Variants in WDHD1 observed in about 807,000 individuals in gnomAD.
The protein encoded by WDHD1 is WD repeat and HMG-box DNA-binding protein 1.
In WDHD1, 111 loss-of-function variants were observed where a neutral mutation model predicts 135.4. The ratio of observed to expected loss-of-function variants is 0.82; its 90% CI spans 0.70 to 0.96. The LOEUF (loss-of-function observed/expected upper bound fraction) is 0.96. WDHD1 is among the 40% of genes least tolerant of loss of function. WDHD1 has a pLI of 0.00. For synonymous variants in WDHD1, 434 were observed against 439.0 expected (o/e 0.99, Z 0.14); for missense variants, 1,351 against 1,336.3 (o/e 1.01, Z -0.17).
intron 15 of WDHD1, among the ~76,000 whole-genome samples, 163 bp downstream of exon 15, chr14:54,984,560 C>G (rs1204204571): frequency 1.3e-5 from 2 of 152,114 alleles, no homozygotes; most frequent in African/African-American, 4.8e-5. Flanking sequence ...CTAAAGATTG[C>G]AGCTCCCAGT....
At chr14:54,970,305 G>C (rs1017187420) in intron 16 of WDHD1, among the ~76,000 whole-genome samples, 3 of 151,914 alleles carry the variant, frequency 2.0e-5, no homozygotes, top group Non-Finnish European at 4.4e-5. Context: ...AAAAGACTTT[G>C]GTAAAGTTTC....
At chr14:54,995,241 A>G (rs904312340) in intron 11 of WDHD1, among the ~76,000 whole-genome samples, 5 of 152,164 alleles carry the variant, frequency 3.3e-5, no homozygotes, top group Admixed American at 6.5e-5. Flanking sequence ...TCAGCCTCCC[A>G]AAGTGCTGGG....
rs1201910146 is a variant in WDHD1 at position 54,972,277 on chromosome 14, C to CAA, written c.2064-4885_2064-4884dup. On this transcript the variant is annotated intron_variant, in intron 16 of 25. Coordinates refer to ENST00000360586, the MANE Select transcript of WDHD1 (RefSeq NM_007086.4). ...GAGACAGAGTGAGACTCGGTCTCAC[C>CAA]AAAAAAAAAAAAAAAAGTTGGCCAG... Among the ~76,000 whole-genome samples the CAA allele has an allele frequency of 3.5e-3, 400 of 113,172 alleles. 1 individual carries two copies. Among genetic ancestry groups the CAA allele is most frequent in the African/African-American group, 0.011 (380 of 35,228 alleles). The allele number at this position is 113,172 out of a possible 152,430, so 74.2% of individuals were successfully genotyped here.
At chr14:55,003,761 A>G (rs1261102398) in intron 7 of WDHD1, among the ~76,000 whole-genome samples, 2 of 151,682 alleles carry the variant, frequency 1.3e-5, no homozygotes, top group Non-Finnish European at 1.5e-5. Flanking sequence ...ACGGGGTCTT[A>G]TCATGTTGGC....
intron 16 of WDHD1, among the ~76,000 whole-genome samples, chr14:54,976,948 T>C (rs1356701900): frequency 6.6e-6 from 1 of 152,192 alleles, no homozygotes; most frequent in Non-Finnish European, 1.5e-5. Context: ...GTGCTTCAAA[T>C]GCCTACTGTA....
intron 2 of WDHD1, among the ~76,000 whole-genome samples, chr14:55,015,162 T>C (rs2042238556): frequency 6.6e-6 from 1 of 151,970 alleles, no homozygotes; most frequent in African/African-American, 2.4e-5. Context: ...ATATTAGTAT[T>C]AGTTGCATCA....
In WDHD1 at chr14:55,000,659, G is replaced by C. The variant is rs746242979; in HGVS notation, c.801-15C>G. 6.6e-7 allele frequency: 1 copy of C among 1,521,794 alleles called. No individual in the cohort carries two copies. The highest frequency in any genetic ancestry group is 8.8e-7 in the Non-Finnish European group (1 of 1,135,300). 94.3% of individuals were successfully genotyped at this position (1,521,794 alleles called of 1,614,324 possible). On this transcript the variant is annotated splice_polypyrimidine_tract_variant and intron_variant, in intron 9 of 25. Coordinates refer to ENST00000360586, the MANE Select transcript of WDHD1 (RefSeq NM_007086.4). ...CATGTTTCACCCTAAAAATTAAAAA[G>C]TAGGTTCTAAAAATACTGTCAAGAA...
rs2041741935 is a variant in WDHD1 at position 54,989,082 on chromosome 14, T to C, written c.1472A>G (p.Asp491Gly). Residue 491 changes from aspartate (D) to glycine (G), a missense_variant, in exon 13 of 26, where the codon GAT (aspartate) becomes GGT (glycine). By Grantham distance (94) the Asp-to-Gly change is moderately conservative. Around this residue, in one of 2 missense-constraint regions of WDHD1, gnomAD observed 1,330 missense variants for 1,296.1 expected, o/e 1.03. Transcript: ENST00000360586. The stretch of plus-strand genomic sequence containing the variant: ...CAACAAAATAGCTTCGTGGGAAAGA[T>C]CTGCTATTGTATAATTCAAAGTGTT... ...LSNTLNYTIA[D>G]LSHEAILLAC... is the part of the protein sequence containing the mutation. 6.2e-7 allele frequency: 1 copy of C among 1,613,424 alleles called. No individual in the cohort carries two copies.
At chr14:54,957,557 T>C in intron 22 of WDHD1, 35 bp downstream of exon 22, 13 of 1,535,128 alleles carry the variant, frequency 8.5e-6, no homozygotes, top group Non-Finnish European at 1.1e-5. Flanking sequence ...ACAAATGTAT[T>C]TAAATAATAT....
At chr14:54,981,482 A>C (rs972505239) in intron 16 of WDHD1, 58 bp downstream of exon 16, 1 of 1,542,058 alleles carries the variant, frequency 6.5e-7, no homozygotes, top group African/African-American at 1.4e-5. Flanking sequence ...GCCTCATAAA[A>C]AGAATTTCAA....
intron 18 of WDHD1, among the ~76,000 whole-genome samples, chr14:54,963,655 C>G (rs187569573): frequency 5.7e-4 from 86 of 152,148 alleles, no homozygotes; most frequent in African/African-American, 1.8e-3. Flanking sequence ...ACACAATTAG[C>G]CAGGCGTGGT....
At chr14:55,010,650 AAATT>A (rs2042153730) in intron 3 of WDHD1, among the ~76,000 whole-genome samples, 190 bp from the exon 4 acceptor site, 1 of 152,264 alleles carries the variant, frequency 6.6e-6, no homozygotes, top group Non-Finnish European at 1.5e-5. Context: ...AGCTTTAGAA[AAATT>A]AATTCTACCT....
chr14:54,956,598 A>G (rs1341449971), intron 23 of WDHD1, among the ~76,000 whole-genome samples: 1 of 152,148 alleles, frequency 6.6e-6, no homozygotes, highest in African/African-American at 2.4e-5. Context: ...AGATCCTGAC[A>G]CTGCACTCCA....
intron 4 of WDHD1, among the ~76,000 whole-genome samples, chr14:55,010,007 CG>C (rs1566741261): frequency 1.3e-5 from 2 of 151,478 alleles, no homozygotes; most frequent in African/African-American, 4.9e-5. Context: ...TTAGTAGAGA[CG>C]GGGTTTTGCC....
chr14:54,941,983 G>A (rs1374108174), intron 25 of WDHD1, among the ~76,000 whole-genome samples: 2 of 152,082 alleles, frequency 1.3e-5, no homozygotes, highest in Non-Finnish European at 2.9e-5. Context: ...AGGCACGGTG[G>A]CTCATGTCTG....
At chr14:54,974,866 G>A (rs1200323478) in intron 16 of WDHD1, among the ~76,000 whole-genome samples, 1 of 152,010 alleles carries the variant, frequency 6.6e-6, no homozygotes, top group Admixed American at 6.6e-5. Context: ...AAACTAGGTC[G>A]TGTCCAGATT....
chr14:55,007,159 C>G (rs146635564), intron 7 of WDHD1, 121 bp downstream of exon 7: 20,535 of 710,206 alleles, frequency 0.029, 392 homozygotes, highest in South Asian at 0.042. Context: ...ACCTGGGAGG[C>G]AGAGGTTGCA....
At position 55,026,774 on chromosome 14, in the gene WDHD1, C is replaced by T; in HGVS notation, c.14G>A (p.Arg5Gln). Residue 5 changes from arginine (R) to glutamine (Q), a missense_variant, in exon 2 of 26, where the codon CGG (arginine) becomes CAG (glutamine). Around this residue, in one of 2 missense-constraint regions of WDHD1, gnomAD observed 21 missense variants for 40.2 expected, o/e 0.52. Transcript: ENST00000360586. MPATRKPMRYGHTEG... is the reference protein window; with the variant it reads MPATQKPMRYGHTEG... ...TGTATGCCCATATCTCATTGGCTTCCGTGTGGCAGGCATGTTTTCCTTTAC... is the reference window on the plus strand; with the variant it reads ...TGTATGCCCATATCTCATTGGCTTCTGTGTGGCAGGCATGTTTTCCTTTAC... The T allele has an allele frequency of 3.1e-6, 5 of 1,614,174 alleles. No individual in the cohort carries two copies. Among genetic ancestry groups the T allele is most frequent in the Non-Finnish European group, 4.2e-6 (5 of 1,180,026 alleles).
At chr14:54,989,729 G>A (rs979349444) in intron 12 of WDHD1, among the ~76,000 whole-genome samples, 9 of 150,450 alleles carry the variant, frequency 6.0e-5, no homozygotes, top group African/African-American at 2.0e-4. Context: ...GCATGATCTC[G>A]GCTCACCGCA....
Sources: gnomAD v4.1 joint callset for allele counts (sites outside exome capture counted in the v4.1 genomes callset) on GRCh38, gnomAD v4.1.1 for gene constraint, gnomAD v4.1.1 regional missense constraint, MANE v1.5 for transcripts, NCBI Gene and HGNC (gene_info 2026-07-23, HGNC 2026-07-21) for gene names.